The following KISS1R variants were observed in gnomAD, a reference collection of about 807,000 sequenced individuals.
The protein encoded by KISS1R is KISS1 receptor.
Under a neutral mutation model 22.0 loss-of-function variants are expected in KISS1R, and 19 were observed. The ratio of observed to expected loss-of-function variants is 0.86; its 90% CI spans 0.60 to 1.26. KISS1R has a LOEUF of 1.26. KISS1R is among the 50% of genes most tolerant of loss of function. The pLI is 0.00. For missense variants in KISS1R, 653 were observed against 581.9 expected, an observed-to-expected ratio of 1.12 and a Z score of -1.26; for synonymous variants, 302 against 283.9, an observed-to-expected ratio of 1.06 and a Z score of -0.64.
At position 918,588 on chromosome 19, in the gene KISS1R, C is replaced by T; in HGVS notation, c.289C>T (p.Pro97Ser). The change falls in exon 2 of 5, where the codon CCC becomes TCC. Residue 97 changes from proline to serine, a missense_variant. Transcript: ENST00000234371. The part of the protein sequence containing the change: ...TDVTFLLCCV[P>S]FTALLYPLPG... ...CGTGACCTTCCTCCTGTGCTGCGTC[C>T]CCTTCACGGCCCTGCTGTACCCGCT... is the stretch of plus-strand genomic sequence containing the variant. 7.7e-6 allele frequency: 12 copies of T among 1,551,494 alleles called. No individual in the cohort carries two copies. Among genetic ancestry groups the T allele is most frequent in the Non-Finnish European group, 1.0e-5 (12 of 1,147,268 alleles).
intron 3 of KISS1R, 102 bp from the exon 4 acceptor site, chr19:919,772 C>T: frequency 1.3e-6 from 2 of 1,484,058 alleles, no homozygotes; most frequent in South Asian, 1.2e-5. Flanking sequence ...GCAGACGGGG[C>T]GCCCGGGCCT....
intron 1 of KISS1R, 38 bp downstream of exon 1, chr19:917,784 G>A (rs1461689306): frequency 1.8e-5 from 29 of 1,571,858 alleles, no homozygotes; most frequent in South Asian, 2.3e-5. Context: ...CTGCCGTCCC[G>A]GGGGCTCCGA....
At chr19:918,267 C>T (rs1470969919) in intron 1 of KISS1R, among the ~76,000 whole-genome samples, 1 of 152,256 alleles carries the variant, frequency 6.6e-6, no homozygotes. Context: ...TTAGGCTCCC[C>T]CAGCCCGGAC....
intron 4 of KISS1R, 44 bp from the exon 5 acceptor site, chr19:920,246 G>A (rs1274023290): frequency 1.9e-6 from 3 of 1,546,920 alleles, no homozygotes; most frequent in Non-Finnish European, 2.6e-6. Flanking sequence ...GAGCTGAGCC[G>A]GGCCCCAGCC....
rs576107921 is a variant in KISS1R at position 920,684 on chromosome 19, C to T, written c.1133C>T (p.Pro378Leu). 15 of 1,322,812 alleles carry T rather than the reference C, an allele frequency of 1.1e-5. No homozygotes were observed. The highest frequency in any genetic ancestry group is 1.3e-5 in the Non-Finnish European group (14 of 1,038,282). The allele number at this position is 1,322,812 out of a possible 1,614,324, so 81.9% of individuals were successfully genotyped here. A position where few individuals can be genotyped will look rare whatever the true frequency, so the allele number is the denominator to read the frequency against. ...CCGGCCCCCGCCAGGGCGCAGAAGC[C>T]AGGGAGCAGTGGGCTGGCCGCGCGC... ...SHPAPARAQK[P>L]GSSGLAARGL... Residue 378 changes from proline to leucine, a missense_variant, in exon 5 of 5, where the codon CCA becomes CTA. Coordinates refer to ENST00000234371, the MANE Select transcript of KISS1R (RefSeq NM_032551.5).
rs2037117587 is a variant in KISS1R, at chr19:920,999, T to A, written c.*251T>A. ...GATCATTCCAGAAAGTGTCAGACGTTTTCTCATTGTCTTGTAGTTGACTGT... is the reference window on the plus strand; with the variant it reads ...GATCATTCCAGAAAGTGTCAGACGTATTCTCATTGTCTTGTAGTTGACTGT... On this transcript the variant is annotated 3_prime_UTR_variant, in exon 5 of 5. Coordinates refer to ENST00000234371, the MANE Select transcript of KISS1R (RefSeq NM_032551.5). 3 of 360,546 alleles carry A rather than the reference T, an allele frequency of 8.3e-6. No individual in the cohort carries two copies. The highest frequency in any genetic ancestry group is 9.7e-6 in the Non-Finnish European group (2 of 205,728). The allele number at this position is 360,546 out of a possible 1,614,324, so 22.3% of individuals were successfully genotyped here. A position where few individuals can be genotyped will look rare whatever the true frequency, so the allele number is the denominator to read the frequency against.
intron 3 of KISS1R, 64 bp from the exon 4 acceptor site, chr19:919,810 C>G: frequency 6.6e-7 from 1 of 1,511,256 alleles, no homozygotes; most frequent in South Asian, 1.2e-5. Context: ...GAACGCCTCC[C>G]GGGGAGGCAC....
chr19:918,181 C>A (rs1019564005), intron 1 of KISS1R, among the ~76,000 whole-genome samples: 13 of 152,186 alleles, frequency 8.5e-5, no homozygotes, highest in Admixed American at 2.6e-4. Context: ...TGAGCCCAGT[C>A]GGTGGCTGCT....
In KISS1R at chr19:919,573, G is replaced by A; in HGVS notation, c.453G>A (p.Leu151=). 6.4e-7 allele frequency: 1 copy of A among 1,555,464 alleles called. No individual in the cohort carries two copies. The highest frequency in any genetic ancestry group is 8.7e-7 in the Non-Finnish European group (1 of 1,153,656). Residue 151 remains leucine (L), a synonymous_variant, in exon 3 of 5, where the codon CTG becomes CTA. Transcript: ENST00000234371. ...WYVTVFPLRA[L]HRRTPRLALA... is the part of the protein sequence containing the mutation. The stretch of plus-strand genomic sequence containing the variant: ...TGACGGTGTTCCCGTTGCGCGCCCT[G>A]CACCGCCGCACGCCCCGCCTGGCGC...
Position 920,348 on chromosome 19 carries a change from C to T in KISS1R, c.797C>T (p.Ala266Val). 16 of 1,561,178 alleles carry T rather than the reference C, an allele frequency of 1.0e-5. No individual in the cohort carries two copies. The highest frequency in any genetic ancestry group is 1.3e-5 in the Non-Finnish European group (15 of 1,160,954). ...AVRAKVSRLV[A>V]AVVLLFAACW... ...CGGGCCAAGGTCTCGCGGCTGGTGG[C>T]GGCCGTGGTCCTGCTCTTCGCCGCC... Residue 266 changes from alanine to valine, a missense_variant, in exon 5 of 5, where the codon GCG becomes GTG. Ala to Val is a moderately conservative substitution (Grantham distance 64, BLOSUM62 0). Transcript: ENST00000234371.
Position 920,613 on chromosome 19 carries a change from G to C in KISS1R, c.1062G>C (p.Ser354=), listed in dbSNP as rs1272334654. ...GCCGCCCCCGCCGGCCCGGACCCTC[G>C]GACCCCGCAGCCCCACACGCGGAGC... The part of the protein sequence containing the change: ...RPRRPRRPGP[S]DPAAPHAELL... The change falls in exon 5 of 5, where the codon TCG becomes TCC. Residue 354 remains serine (S), a synonymous_variant. Coordinates refer to ENST00000234371, the MANE Select transcript of KISS1R (RefSeq NM_032551.5). 1 of 1,391,952 alleles carries C rather than the reference G, an allele frequency of 7.2e-7. No individual in the cohort carries two copies. The highest frequency in any genetic ancestry group is 9.2e-7 in the Non-Finnish European group (1 of 1,083,316). 86.2% of individuals were successfully genotyped at this position (1,391,952 alleles called of 1,614,324 possible).
In KISS1R at chr19:920,579, G is replaced by T. The variant is rs1441750130; in HGVS notation, c.1028G>T (p.Arg343Leu). The change falls in exon 5 of 5, where the codon CGC becomes CTC. Residue 343 changes from arginine to leucine, a missense_variant. Transcript: ENST00000234371. ...AFRRVCPCAP[R>L]RPRRPRRPGP... ...CGCCGCGTCTGCCCCTGCGCGCCGC[G>T]CCGCCCCCGCCGCCCCCGCCGGCCC... is the stretch of plus-strand genomic sequence containing the variant. The T allele has an allele frequency of 1.4e-6, 2 of 1,464,650 alleles. No homozygotes were observed. The highest frequency in any genetic ancestry group is 2.8e-5 in the East Asian group (1 of 35,120). 90.7% of individuals were successfully genotyped at this position (1,464,650 alleles called of 1,614,324 possible). A position where few individuals can be genotyped will look rare whatever the true frequency, so the allele number is the denominator to read the frequency against.
chr19:920,939 C>G lies in KISS1R; in HGVS notation c.*191C>G. 1 of 572,568 alleles carries G rather than the reference C, an allele frequency of 1.7e-6. No individual in the cohort carries two copies. The highest frequency in any genetic ancestry group is 3.6e-5 in the East Asian group (1 of 27,506). 35.5% of individuals were successfully genotyped at this position (572,568 alleles called of 1,614,324 possible). Reference sequence around the variant, plus strand: ...ATTGAAATTATGACTTCTGTGTTTCCTGAAATTAAACATGTGTCAACACAG... The same window carrying G: ...ATTGAAATTATGACTTCTGTGTTTCGTGAAATTAAACATGTGTCAACACAG... On this transcript the variant is annotated 3_prime_UTR_variant, in exon 5 of 5. Coordinates refer to ENST00000234371, the MANE Select transcript of KISS1R (RefSeq NM_032551.5).
Position 919,811 on chromosome 19 carries a change from G to A in KISS1R, c.506-63G>A, listed in dbSNP as rs1225630650. Reference sequence around the variant, plus strand: ...CAGGGTGGCTGGGTGAACGCCTCCCGGGGAGGCACGTGGGGGACCGCTGGT... The same window carrying A: ...CAGGGTGGCTGGGTGAACGCCTCCCAGGGAGGCACGTGGGGGACCGCTGGT... On this transcript the variant is annotated intron_variant, in intron 3 of 4. Transcript: ENST00000234371. 19 of 1,500,842 alleles carry A rather than the reference G, an allele frequency of 1.3e-5. No homozygotes were observed. The Admixed American group carries it at 3.1e-4, about 25-fold the overall frequency. 93.0% of individuals were successfully genotyped at this position (1,500,842 alleles called of 1,614,324 possible).
chr19:919,170 C>G (rs566011894), intron 2 of KISS1R, among the ~76,000 whole-genome samples: 1 of 151,684 alleles, frequency 6.6e-6, no homozygotes, highest in Non-Finnish European at 1.5e-5. Context: ...CAGACGGGGA[C>G]CCGGGTCACT....
intron 1 of KISS1R, 88 bp from the exon 2 acceptor site, chr19:918,456 G>A (rs1176978961): frequency 6.8e-7 from 1 of 1,474,390 alleles, no homozygotes; most frequent in Non-Finnish European, 9.1e-7. Context: ...TCGGACCAAG[G>A]TGGGGGCCAG....
Position 919,956 on chromosome 19 carries a change from C to T in KISS1R, c.588C>T (p.Pro196=), listed in dbSNP as rs1421297360. The change falls in exon 4 of 5, where the codon CCC becomes CCT. Residue 196 remains proline (P), a synonymous_variant. Coordinates refer to ENST00000234371, the MANE Select transcript of KISS1R (RefSeq NM_032551.5). ...GPRAYCSEAF[P]SRALERAFAL... ...GCGCCTACTGCAGTGAGGCCTTCCCCAGCCGCGCCCTGGAGCGCGCCTTCG... is the reference window on the plus strand; with the variant it reads ...GCGCCTACTGCAGTGAGGCCTTCCCTAGCCGCGCCCTGGAGCGCGCCTTCG... The T allele has an allele frequency of 1.9e-6, 3 of 1,571,144 alleles. No individual in the cohort carries two copies. Among genetic ancestry groups the T allele is most frequent in the Non-Finnish European group, 8.6e-7 (1 of 1,161,610 alleles).
At chr19:919,086 C>A (rs1421740365) in intron 2 of KISS1R, among the ~76,000 whole-genome samples, 2 of 149,426 alleles carry the variant, frequency 1.3e-5, no homozygotes, top group African/African-American at 5.0e-5. Context: ...GGCTGGGGTG[C>A]CCAGCTTGCG....
intron 2 of KISS1R, among the ~76,000 whole-genome samples, chr19:918,990 G>T (rs1211334303): frequency 6.7e-6 from 1 of 149,688 alleles, no homozygotes; most frequent in Non-Finnish European, 1.5e-5. Context: ...GGAGCGGGGG[G>T]CGGGCGCATG....
Sources: allele counts gnomAD v4.1 joint callset (sites outside exome capture counted in the v4.1 genomes callset), GRCh38; gene constraint gnomAD v4.1.1; transcripts MANE v1.5; gene names NCBI Gene and HGNC (gene_info 2026-07-23, HGNC 2026-07-21).